Variants in TENM2 observed in about 807,000 individuals in gnomAD.
TENM2 encodes the protein teneurin-2.
TENM2 carries 52 observed loss-of-function variants against 245.2 expected under a neutral mutation model. The observed-to-expected ratio is 0.21, with a 90% confidence interval of 0.17 to 0.27. TENM2 has a LOEUF of 0.27. Ranked by LOEUF, TENM2 falls within the 10% of genes least tolerant of loss-of-function variation. The pLI is 1.00. For missense variants in TENM2, 3,046 were observed against 3,666.8 expected (o/e 0.83, Z 4.37); for synonymous variants, 1,363 against 1,438.9 (o/e 0.95, Z 1.19).
intron 2 of TENM2, among the ~76,000 whole-genome samples, chr5:167,828,275 ACT>A (rs1768157630): frequency 6.6e-6 from 1 of 151,758 alleles, no homozygotes; most frequent in South Asian, 2.1e-4. Flanking sequence ...AGGACCGGCT[ACT>A]CTCATCCCTC....
At chr5:167,338,348 T>G (rs1038464308) in intron 1 of TENM2, among the ~76,000 whole-genome samples, 2 of 152,236 alleles carry the variant, frequency 1.3e-5, no homozygotes, top group Non-Finnish European at 2.9e-5. Context: ...AAACAACACA[T>G]TCATTCTCAC....
chr5:168,073,574 G>T (rs1207343116), intron 7 of TENM2, among the ~76,000 whole-genome samples: 1 of 152,184 alleles, frequency 6.6e-6, no homozygotes, highest in Non-Finnish European at 1.5e-5. Flanking sequence ...AGCCCCTCTG[G>T]AAGTTTAATG....
chr5:167,427,521 AGGG>A (rs1763908301), intron 2 of TENM2, among the ~76,000 whole-genome samples: 1 of 138,316 alleles, frequency 7.2e-6, no homozygotes, highest in African/African-American at 2.6e-5. Context: ...GAAGGAAGGG[AGGG>A]AGGGAAGGAT....
At chr5:167,879,003 C>T (rs1001145266) in intron 3 of TENM2, among the ~76,000 whole-genome samples, 2 of 152,200 alleles carry the variant, frequency 1.3e-5, no homozygotes, top group African/African-American at 2.4e-5. Flanking sequence ...TTCCTGCTCT[C>T]CTCTTATAGT....
At chr5:167,646,345 G>A (rs1582641112) in intron 2 of TENM2, among the ~76,000 whole-genome samples, 1 of 150,752 alleles carries the variant, frequency 6.6e-6, no homozygotes. Flanking sequence ...ATTATCCTTG[G>A]GTATTATTTT....
chr5:167,897,771 T>A (rs80219222), intron 3 of TENM2, among the ~76,000 whole-genome samples: 3,037 of 152,136 alleles, frequency 0.02, 97 homozygotes, highest in African/African-American at 0.07. Flanking sequence ...TATACAGATA[T>A]ATAGATATAT....
intron 2 of TENM2, among the ~76,000 whole-genome samples, chr5:167,485,927 C>T (rs2127535402): frequency 6.6e-6 from 1 of 152,238 alleles, no homozygotes; most frequent in South Asian, 2.1e-4. Context: ...ATAGGGCCTC[C>T]TGCCTTCATC....
intron 1 of TENM2, among the ~76,000 whole-genome samples, chr5:167,309,451 C>T (rs1243104836): frequency 6.6e-6 from 1 of 152,096 alleles, no homozygotes; most frequent in Non-Finnish European, 1.5e-5. Context: ...TGGGTTTATT[C>T]GTTAAGCCAA....
chr5:167,801,926 A>ACACACC (rs1162317552), intron 2 of TENM2, among the ~76,000 whole-genome samples: 61 of 151,886 alleles, frequency 4.0e-4, no homozygotes, highest in African/African-American at 1.4e-3. Context: ...ACACACACAC[A>ACACACC]CACAGGGTAA....
chr5:167,070,104 C>T, the TENM2 span, among the ~76,000 whole-genome samples: 1 of 88,348 alleles, frequency 1.1e-5, no homozygotes, highest in South Asian at 2.8e-4. Flanking sequence ...ATTCATTTGA[C>T]AAATATTTAT....
At chr5:167,039,910 T>A in the TENM2 span, among the ~76,000 whole-genome samples, 1 of 152,034 alleles carries the variant, frequency 6.6e-6, no homozygotes, top group African/African-American at 2.4e-5. Context: ...CTGAGAGGAG[T>A]TATGTTTGAA....
chr5:166,980,925 G>A, the TENM2 span, among the ~76,000 whole-genome samples: 1 of 152,122 alleles, frequency 6.6e-6, no homozygotes, highest in Admixed American at 6.5e-5. Flanking sequence ...TCATAGAGCA[G>A]CAACTTGTCT....
intron 2 of TENM2, among the ~76,000 whole-genome samples, chr5:167,406,699 G>T (rs780357899): frequency 6.6e-6 from 1 of 152,096 alleles, no homozygotes; most frequent in Non-Finnish European, 1.5e-5. Flanking sequence ...GATTGTATAA[G>T]TACTGAAGCA....
At chr5:167,217,250 A>C in the TENM2 span, among the ~76,000 whole-genome samples, 2 of 152,182 alleles carry the variant, frequency 1.3e-5, no homozygotes, top group Non-Finnish European at 2.9e-5. Context: ...CTGTAGTCAC[A>C]AGTTCCAGCA....
intron 3 of TENM2, among the ~76,000 whole-genome samples, chr5:167,904,605 G>A (rs922896936): frequency 5.3e-5 from 8 of 152,178 alleles, no homozygotes; most frequent in South Asian, 4.1e-4. Flanking sequence ...CAGAGATTAC[G>A]TGCTAATCAG....
chr5:166,995,811 T>A, the TENM2 span, among the ~76,000 whole-genome samples: 1 of 40,772 alleles, frequency 2.5e-5, no homozygotes, highest in Admixed American at 5.2e-4. Flanking sequence ...CGAGACTCCA[T>A]CTCAAAAAAA....
intron 2 of TENM2, among the ~76,000 whole-genome samples, chr5:167,487,283 AG>A: frequency 1.3e-5 from 2 of 152,280 alleles, no homozygotes; most frequent in Middle Eastern, 6.8e-3. Flanking sequence ...CTGTGGGAAG[AG>A]GAAGCACTGG....
At chr5:168,253,225 C>G (rs1767293226) in intron 27 of TENM2, among the ~76,000 whole-genome samples, 2 of 151,924 alleles carry the variant, frequency 1.3e-5, no homozygotes, top group Non-Finnish European at 2.9e-5. Context: ...CCTCGGCCTC[C>G]CAAAGTGCTG....
the TENM2 span, among the ~76,000 whole-genome samples, chr5:167,158,906 T>C: frequency 1.6e-5 from 2 of 128,408 alleles, no homozygotes; most frequent in African/African-American, 3.2e-5. Context: ...CTTCCTTCCT[T>C]CCTCTTCCTC....
Sources: gnomAD v4.1 joint callset for allele counts (sites outside exome capture counted in the v4.1 genomes callset) on GRCh38, gnomAD v4.1.1 for gene constraint, MANE v1.5 for transcripts, NCBI Gene and HGNC (gene_info 2026-07-23, HGNC 2026-07-21) for gene names.